NUDCD3: variants seen among roughly 807,000 people sequenced by gnomAD.
NUDCD3 encodes nudC domain-containing protein 3.
Under a neutral mutation model 39.7 loss-of-function variants are expected in NUDCD3, and 13 were observed. The observed-to-expected ratio is 0.33, with a 90% CI of 0.21 to 0.52. The LOEUF (loss-of-function observed/expected upper bound fraction) is 0.52, where lower values mean the gene tolerates loss of function less well. NUDCD3 is among the 20% of genes least tolerant of loss of function. The pLI, the probability that NUDCD3 is intolerant of heterozygous loss-of-function variation, is 0.96. For synonymous variants in NUDCD3, 175 were observed against 172.4 expected, an observed-to-expected ratio of 1.02 and a Z score of -0.12; for missense variants, 453 against 458.1, an observed-to-expected ratio of 0.99 and a Z score of 0.10.
At chr7:44,419,431 T>C (rs1486237476) in intron 3 of NUDCD3, among the ~76,000 whole-genome samples, 1 of 152,212 alleles carries the variant, frequency 6.6e-6, no homozygotes, top group Non-Finnish European at 1.5e-5. Flanking sequence ...CATTCTTGCC[T>C]GCCAGCTTTG....
Position 44,427,769 on chromosome 7 carries a change from T to G in NUDCD3, c.510-66A>C, listed in dbSNP as rs962463942. ...TGAGCAGAGGACCCCATGGGCAGCC[T>G]AGCCCATGCCACTCCTACATCCTGG... On this transcript the variant is annotated intron_variant, in intron 2 of 5. Transcript: ENST00000355451. 14 of 1,542,696 alleles carry G rather than the reference T, an allele frequency of 9.1e-6. 1 individual carries two copies. The Middle Eastern group carries it at 1.1e-3, about 120-fold the overall frequency.
intron 5 of NUDCD3, among the ~76,000 whole-genome samples, chr7:44,390,850 G>A (rs371603325): frequency 6.6e-6 from 1 of 152,206 alleles, no homozygotes; most frequent in Non-Finnish European, 1.5e-5. Context: ...TAACCAGGCA[G>A]GTCTGGCTGT....
chr7:44,481,987 A>G (rs1350157541), intron 2 of NUDCD3, among the ~76,000 whole-genome samples: 1 of 152,224 alleles, frequency 6.6e-6, no homozygotes, highest in Non-Finnish European at 1.5e-5. Context: ...TTAGACTTCC[A>G]GTATCCAGAA....
rs1798391208 is a variant in NUDCD3, at chr7:44,385,801, A to G, written c.*210T>C. 2 of 560,418 alleles carry G rather than the reference A, an allele frequency of 3.6e-6. No individual in the cohort carries two copies. Among genetic ancestry groups the G allele is most frequent in the Admixed American group, 3.2e-5 (1 of 31,698 alleles). The allele number at this position is 560,418 out of a possible 1,614,324, so 34.7% of individuals were successfully genotyped here. A position where few individuals can be genotyped will look rare whatever the true frequency, so the allele number is the denominator to read the frequency against. On this transcript the variant is annotated 3_prime_UTR_variant, in exon 6 of 6. Coordinates refer to ENST00000355451, the MANE Select transcript of NUDCD3 (RefSeq NM_015332.4). ...AACACCTTCACTCAGTGTCAGCCAC[A>G]GCGGCCACCACATAGCAGCTGGCCC...
chr7:44,427,791 C>T (rs1799267366), intron 2 of NUDCD3, 88 bp from the exon 3 acceptor site: 1 of 1,395,538 alleles, frequency 7.2e-7, no homozygotes, highest in Admixed American at 2.3e-5. Flanking sequence ...CTCCTACATC[C>T]TGGAGACGTG....
At chr7:44,410,867 T>C (rs1350352993) in intron 3 of NUDCD3, among the ~76,000 whole-genome samples, 1 of 151,862 alleles carries the variant, frequency 6.6e-6, no homozygotes, top group African/African-American at 2.4e-5. Context: ...CTCGGGAGGC[T>C]GAGGCAGGAA....
chr7:44,456,770 T>A (rs1013978254), intron 2 of NUDCD3, among the ~76,000 whole-genome samples: 1 of 148,842 alleles, frequency 6.7e-6, no homozygotes. Flanking sequence ...AAAAAAAAAA[T>A]TTACATCAAC....
At chr7:44,484,127 A>C (rs1245992405) in intron 2 of NUDCD3, among the ~76,000 whole-genome samples, 1 of 152,162 alleles carries the variant, frequency 6.6e-6, no homozygotes, top group African/African-American at 2.4e-5. Context: ...CACACAGGTG[A>C]CCCATCCTAT....
intron 5 of NUDCD3, among the ~76,000 whole-genome samples, chr7:44,389,056 T>C (rs1436800692): frequency 6.6e-6 from 1 of 152,216 alleles, no homozygotes; most frequent in Non-Finnish European, 1.5e-5. Context: ...TGCAGTGCCC[T>C]AGGGGCCAAA....
chr7:44,412,935 A>G (rs2116884078), intron 3 of NUDCD3, among the ~76,000 whole-genome samples: 1 of 147,558 alleles, frequency 6.8e-6, no homozygotes, highest in East Asian at 1.9e-4. Flanking sequence ...TCAAAAAAAA[A>G]AAAAAAAGAA....
intron 2 of NUDCD3, among the ~76,000 whole-genome samples, chr7:44,473,199 G>A (rs1316008668): frequency 1.3e-5 from 2 of 152,218 alleles, no homozygotes; most frequent in African/African-American, 2.4e-5. Flanking sequence ...TGACACAGAA[G>A]AGGCCACACT....
intron 2 of NUDCD3, among the ~76,000 whole-genome samples, chr7:44,443,987 A>G (rs1417689307): frequency 6.6e-6 from 1 of 152,250 alleles, no homozygotes; most frequent in African/African-American, 2.4e-5. Flanking sequence ...AATTCTCATA[A>G]AAGTGAGATT....
chr7:44,393,229 C>A (rs938546920), intron 4 of NUDCD3, among the ~76,000 whole-genome samples: 1 of 152,168 alleles, frequency 6.6e-6, no homozygotes, highest in African/African-American at 2.4e-5. Context: ...CCTTGGGCAC[C>A]TCTGTGGGGA....
intron 2 of NUDCD3, among the ~76,000 whole-genome samples, chr7:44,456,855 A>G (rs1563182842): frequency 6.6e-6 from 1 of 152,174 alleles, no homozygotes; most frequent in African/African-American, 2.4e-5. Context: ...AGTTCTACAG[A>G]TTCAAACTAT....
intron 2 of NUDCD3, among the ~76,000 whole-genome samples, chr7:44,434,442 G>C (rs1046418424): frequency 6.6e-6 from 1 of 152,090 alleles, no homozygotes; most frequent in Non-Finnish European, 1.5e-5. Context: ...CTAGAGGGTG[G>C]TGCCTCCCTG....
intron 2 of NUDCD3, among the ~76,000 whole-genome samples, chr7:44,479,165 C>T (rs1800438959): frequency 6.6e-6 from 1 of 152,164 alleles, no homozygotes; most frequent in East Asian, 1.9e-4. Flanking sequence ...GGGTCCCTCC[C>T]ATGACATGTG....
intron 4 of NUDCD3, among the ~76,000 whole-genome samples, chr7:44,399,506 G>C (rs535585751): frequency 5.3e-4 from 81 of 152,350 alleles, no homozygotes; most frequent in African/African-American, 1.9e-3. Context: ...CAGGAAAGTT[G>C]TGGGGACTCA....
chr7:44,428,412 C>T (rs1585072271), intron 2 of NUDCD3, among the ~76,000 whole-genome samples: 1 of 151,676 alleles, frequency 6.6e-6, no homozygotes, highest in East Asian at 1.9e-4. Flanking sequence ...CATTGCACTC[C>T]AGCCTGGGCA....
chr7:44,397,482 T>G (rs563994851), intron 4 of NUDCD3, among the ~76,000 whole-genome samples: 1 of 152,318 alleles, frequency 6.6e-6, no homozygotes, highest in African/African-American at 2.4e-5. Flanking sequence ...CGCTTGGTGC[T>G]GTCTGCCTTC....
Sources: gnomAD v4.1 joint callset for allele counts (sites outside exome capture counted in the v4.1 genomes callset) on GRCh38, gnomAD v4.1.1 for gene constraint, MANE v1.5 for transcripts, NCBI Gene and HGNC (gene_info 2026-07-23, HGNC 2026-07-21) for gene names.